Variants in MEGF11 observed in about 807,000 individuals in gnomAD.
MEGF11 encodes multiple epidermal growth factor-like domains protein 11.
MEGF11 carries 126 observed loss-of-function variants against 146.6 expected under a neutral mutation model. That is an observed-to-expected ratio of 0.86 (90% confidence interval 0.74 to 1.00). The LOEUF is 1.00. MEGF11 is among the 50% of genes least tolerant of loss of function. MEGF11 has a pLI of 0.00. For missense variants in MEGF11, 1,509 were observed against 1,521.2 expected (o/e 0.99, Z 0.13); for synonymous variants, 532 against 583.4 (o/e 0.91, Z 1.27).
rs566234897 is a variant in MEGF11, at chr15:65,905,829, G to A, written c.3055+256C>T. 2.0e-5 allele frequency: 8 copies of A among 393,112 alleles called. No individual in the cohort carries two copies. The East Asian group carries it at 2.8e-4, about 14-fold the overall frequency. 24.4% of individuals were successfully genotyped at this position (393,112 alleles called of 1,614,324 possible). A position where few individuals can be genotyped will look rare whatever the true frequency, so the allele number is the denominator to read the frequency against. On this transcript the variant is annotated intron_variant, in intron 24 of 25. Coordinates refer to ENST00000395614, the MANE Select transcript of MEGF11 (RefSeq NM_001385028.1). The stretch of plus-strand genomic sequence containing the variant: ...CGCTTTACATTTCCGAAGACATTTA[G>A]TTGGCATCTATAAAAAACCCACAAG...
chr15:66,107,226 G>A (rs375457855), intron 4 of MEGF11, among the ~76,000 whole-genome samples: 11 of 152,184 alleles, frequency 7.2e-5, no homozygotes, highest in African/African-American at 2.7e-4. Flanking sequence ...AGCTGAGCAA[G>A]GCTCTTGAAA....
intron 9 of MEGF11, among the ~76,000 whole-genome samples, chr15:65,960,699 G>A (rs914479141): frequency 6.6e-6 from 1 of 152,344 alleles, no homozygotes; most frequent in Non-Finnish European, 1.5e-5. Context: ...ATCAATAGAT[G>A]CTTCTGCTGT....
At chr15:66,186,685 C>A (rs2090713801) in intron 1 of MEGF11, among the ~76,000 whole-genome samples, 1 of 152,320 alleles carries the variant, frequency 6.6e-6, no homozygotes, top group South Asian at 2.1e-4. Flanking sequence ...CACCCACTCA[C>A]CCCATGGACA....
chr15:66,250,737 T>C (rs2092359121), intron 1 of MEGF11, among the ~76,000 whole-genome samples: 1 of 152,010 alleles, frequency 6.6e-6, no homozygotes, highest in South Asian at 2.1e-4. Flanking sequence ...CAAATCCCCA[T>C]CTCTACTAAA....
chr15:65,964,024 G>C (rs1230217701), intron 9 of MEGF11, among the ~76,000 whole-genome samples: 1 of 152,202 alleles, frequency 6.6e-6, no homozygotes. Flanking sequence ...TGGGCTGTCC[G>C]TAGGCCTGAG....
chr15:66,165,514 TTC>T (rs1278272216), intron 1 of MEGF11, among the ~76,000 whole-genome samples: 1 of 152,160 alleles, frequency 6.6e-6, no homozygotes, highest in Non-Finnish European at 1.5e-5. Flanking sequence ...CTCTCGGTCC[TTC>T]TCTTTCCCCC....
Position 65,909,082 on chromosome 15 carries a change from A to T in MEGF11, c.2950T>A (p.Tyr984Asn). Residue 984 changes from tyrosine to asparagine, a missense_variant, in exon 23 of 26, where the codon TAC becomes AAC. Physicochemically the swap from Tyr to Asn is moderately radical, Grantham distance 143. Transcript: ENST00000395614. ...CGGCTGAGGTGTCTAAGTTCAATGT[A>T]GAAGTCCTCGGGCGGGTACCTGGCC... The part of the protein sequence containing the change: ...LEARYPPEDF[Y>N]IELRHLSRPA... 2 of 1,535,802 alleles carry T rather than the reference A, an allele frequency of 1.3e-6. No individual in the cohort carries two copies. The highest frequency in any genetic ancestry group is 3.3e-4 in the Middle Eastern group (2 of 5,988).
chr15:66,158,988 T>G (rs2089859156), intron 1 of MEGF11, among the ~76,000 whole-genome samples: 1 of 152,248 alleles, frequency 6.6e-6, no homozygotes, highest in African/African-American at 2.4e-5. Flanking sequence ...TTTAAGCTGT[T>G]GTTTACACCT....
chr15:65,937,477 A>G (rs2079832282), intron 10 of MEGF11, among the ~76,000 whole-genome samples: 1 of 152,070 alleles, frequency 6.6e-6, no homozygotes, highest in African/African-American at 2.4e-5. Context: ...GATAATGTAC[A>G]GGCCTTGGTT....
intron 1 of MEGF11, among the ~76,000 whole-genome samples, chr15:66,148,262 A>AG (rs762361278): frequency 2.6e-5 from 4 of 152,192 alleles, no homozygotes; most frequent in Non-Finnish European, 5.9e-5. Flanking sequence ...GGAAAAAAAA[A>AG]CATTTAAAAG....
At chr15:66,179,052 C>G (rs980863623) in intron 1 of MEGF11, among the ~76,000 whole-genome samples, 8 of 148,258 alleles carry the variant, frequency 5.4e-5, no homozygotes, top group East Asian at 4.0e-4. Context: ...TACTTTCACT[C>G]TCCGGATATC....
At chr15:66,159,776 C>T (rs1290768114) in intron 1 of MEGF11, among the ~76,000 whole-genome samples, 4 of 151,992 alleles carry the variant, frequency 2.6e-5, no homozygotes, top group African/African-American at 4.8e-5. Flanking sequence ...TGGGAGAGAG[C>T]CCTGGTGGGA....
intron 5 of MEGF11, among the ~76,000 whole-genome samples, chr15:66,006,670 T>C (rs2082530047): frequency 6.6e-6 from 1 of 152,226 alleles, no homozygotes; most frequent in Non-Finnish European, 1.5e-5. Flanking sequence ...GTCATTCTGC[T>C]TTTTGTTCCA....
intron 1 of MEGF11, among the ~76,000 whole-genome samples, chr15:66,142,133 T>C (rs564429600): frequency 6.6e-6 from 1 of 152,294 alleles, no homozygotes; most frequent in Non-Finnish European, 1.5e-5. Context: ...AACAGTGGTT[T>C]GTACCCCAGG....
chr15:66,132,682 T>C (rs1294762270), intron 1 of MEGF11, among the ~76,000 whole-genome samples: 1 of 152,188 alleles, frequency 6.6e-6, no homozygotes, highest in Non-Finnish European at 1.5e-5. Flanking sequence ...TGATTAGTAA[T>C]GTCTGTCTTA....
At chr15:66,167,982 C>T (rs900206669) in intron 1 of MEGF11, among the ~76,000 whole-genome samples, 1 of 152,170 alleles carries the variant, frequency 6.6e-6, no homozygotes, top group African/African-American at 2.4e-5. Context: ...CCAAGATGGG[C>T]CTCCTGCATT....
intron 1 of MEGF11, among the ~76,000 whole-genome samples, chr15:66,177,753 C>T (rs1235498970): frequency 1.3e-5 from 2 of 151,528 alleles, no homozygotes; most frequent in African/African-American, 4.9e-5. Context: ...GGCGGAATCA[C>T]AGCTCACTGC....
intron 8 of MEGF11, 70 bp downstream of exon 8, chr15:65,970,483 T>C: frequency 6.6e-7 from 1 of 1,512,790 alleles, no homozygotes; most frequent in Non-Finnish European, 9.1e-7. Context: ...GGCTATGAGC[T>C]GTTCTCTGCA....
At chr15:66,111,995 C>T (rs1292319631) in intron 4 of MEGF11, among the ~76,000 whole-genome samples, 1 of 151,582 alleles carries the variant, frequency 6.6e-6, no homozygotes, top group East Asian at 1.9e-4. Context: ...CATTAGAGTG[C>T]CCGACAAGAA....
Sources: allele counts gnomAD v4.1 joint callset (sites outside exome capture counted in the v4.1 genomes callset), GRCh38; gene constraint gnomAD v4.1.1; transcripts MANE v1.5; gene names NCBI Gene and HGNC (gene_info 2026-07-23, HGNC 2026-07-21).